Variants in CPE observed in about 807,000 individuals in gnomAD.
CPE encodes carbocypeptidase E.
A neutral mutation model predicts 53.5 loss-of-function variants in CPE; 17 were observed. The ratio of observed to expected loss-of-function variants is 0.32; its 90% CI spans 0.22 to 0.48. The LOEUF (loss-of-function observed/expected upper bound fraction) is 0.48. Among genes scored for constraint, CPE ranks in the 20% least tolerant of loss-of-function variants. CPE has a pLI of 0.99. For synonymous variants in CPE, 226 were observed against 228.8 expected (o/e 0.99, Z 0.11); for missense variants, 524 against 614.7 (o/e 0.85, Z 1.56).
intron 1 of CPE, among the ~76,000 whole-genome samples, chr4:165,425,333 T>G (rs953244515): frequency 7.2e-6 from 1 of 138,806 alleles, no homozygotes; most frequent in Non-Finnish European, 1.6e-5. Flanking sequence ...TATTTTTATC[T>G]TGTTAAAAAA....
intron 3 of CPE, among the ~76,000 whole-genome samples, chr4:165,473,524 C>A (rs889870451): frequency 2.0e-5 from 3 of 152,194 alleles, no homozygotes; most frequent in African/African-American, 7.2e-5. Context: ...TGGGGCTTGT[C>A]TGAATAAATG....
chr4:165,400,137 T>C (rs1365859302), intron 1 of CPE, among the ~76,000 whole-genome samples: 1 of 152,200 alleles, frequency 6.6e-6, no homozygotes, highest in Non-Finnish European at 1.5e-5. Flanking sequence ...GAAAAAGATA[T>C]TGTATGCTTT....
intron 1 of CPE, among the ~76,000 whole-genome samples, chr4:165,458,327 G>GT (rs914083439): frequency 6.6e-6 from 1 of 152,138 alleles, no homozygotes; most frequent in African/African-American, 2.4e-5. Context: ...TTACACTATT[G>GT]TTTTTCAGCA....
intron 1 of CPE, among the ~76,000 whole-genome samples, chr4:165,424,694 C>T (rs979729040): frequency 5.3e-5 from 8 of 151,726 alleles, no homozygotes; most frequent in Non-Finnish European, 1.0e-4. Context: ...CCACCACGCC[C>T]GGCTAATTTT....
intron 1 of CPE, among the ~76,000 whole-genome samples, chr4:165,400,018 AGTAGGTC>A (rs1272530792): frequency 1.3e-5 from 2 of 152,206 alleles, no homozygotes; most frequent in Non-Finnish European, 2.9e-5. Flanking sequence ...AATCTTTACA[AGTAGGTC>A]TTTGGCCATA....
intron 5 of CPE, among the ~76,000 whole-genome samples, chr4:165,486,776 C>G (rs1732512171): frequency 6.6e-6 from 1 of 152,138 alleles, no homozygotes; most frequent in Non-Finnish European, 1.5e-5. Context: ...TCCTCTGTCC[C>G]CTTTGGTTTA....
intron 1 of CPE, among the ~76,000 whole-genome samples, chr4:165,398,318 C>T (rs28503877): frequency 1.3e-5 from 2 of 151,894 alleles, no homozygotes; most frequent in Non-Finnish European, 2.9e-5. Context: ...TAGCCTACAA[C>T]TGCTAATATA....
At chr4:165,434,376 G>C (rs926166826) in intron 1 of CPE, among the ~76,000 whole-genome samples, 5 of 152,140 alleles carry the variant, frequency 3.3e-5, no homozygotes, top group African/African-American at 1.2e-4. Flanking sequence ...AAGTTGGCAA[G>C]CCAAGGTGAA....
In CPE at chr4:165,482,351, C is replaced by T. The variant is rs140559965; in HGVS notation, c.782C>T (p.Thr261Met). The change falls in exon 4 of 9, where the codon ACG becomes ATG. Residue 261 changes from threonine to methionine, a missense_variant. By Grantham distance (81) the Thr-to-Met change is moderately conservative (BLOSUM62 -1). Coordinates refer to ENST00000402744, the MANE Select transcript of CPE (RefSeq NM_001873.4). ...GTGGCCAATTATCCATATGATGAGA[C>T]GCGGAGTGGTAGGTATTCTTTCTGC... Reference protein sequence around the residue: ...DLVANYPYDETRSGSAHEYSS... With the variant: ...DLVANYPYDEMRSGSAHEYSS... The T allele has an allele frequency of 3.5e-5, 56 of 1,605,618 alleles. No homozygotes were observed. The highest frequency in any genetic ancestry group is 6.7e-5 in the African/African-American group (5 of 74,724).
rs142041549 is a variant in CPE at position 165,403,240 on chromosome 4, A to G, written c.307+23712A>G. 4.9e-3 allele frequency among the ~76,000 whole-genome samples: 739 copies of G among 152,366 alleles called. 5 individuals carry two copies. Among genetic ancestry groups the G allele is most frequent in the African/African-American group, 0.017 (692 of 41,580 alleles). On this transcript the variant is annotated intron_variant, in intron 1 of 8. Coordinates refer to ENST00000402744, the MANE Select transcript of CPE (RefSeq NM_001873.4). ...GCGACTGTTTTATGATGTGTGTATC[A>G]TAAAGGAAACCATCACCACCTGTCA...
chr4:165,443,791 T>C (rs1731656397), intron 1 of CPE, among the ~76,000 whole-genome samples: 1 of 152,198 alleles, frequency 6.6e-6, no homozygotes, highest in Non-Finnish European at 1.5e-5. Flanking sequence ...CCAAAAGTAA[T>C]TTGTTGAAAA....
chr4:165,388,685 A>G (rs1730635963), intron 1 of CPE, among the ~76,000 whole-genome samples: 1 of 152,234 alleles, frequency 6.6e-6, no homozygotes, highest in Non-Finnish European at 1.5e-5. Context: ...CTTATTCTTA[A>G]TGTAGCAAAC....
At chr4:165,436,918 A>G (rs1417146203) in intron 1 of CPE, among the ~76,000 whole-genome samples, 1 of 152,238 alleles carries the variant, frequency 6.6e-6, no homozygotes, top group Non-Finnish European at 1.5e-5. Context: ...ACTGAACAAA[A>G]GGCAGATTAC....
chr4:165,390,801 A>G (rs1032667631), intron 1 of CPE, among the ~76,000 whole-genome samples: 1 of 152,282 alleles, frequency 6.6e-6, no homozygotes, highest in Admixed American at 6.5e-5. Context: ...GAGAAACTTC[A>G]TTAGAAGAGT....
Position 165,379,072 on chromosome 4 carries a change from G to C in CPE, c.-150G>C, listed in dbSNP as rs1396836614. ...TCTGGGTGGCCCCAGTGCGCGGGCT[G>C]ACACTCATTCAGCCGGGGAAGGTGA... On this transcript the variant is annotated 5_prime_UTR_variant, in exon 1 of 9. Coordinates refer to ENST00000402744, the MANE Select transcript of CPE (RefSeq NM_001873.4). This position sits in a 1 kb window ranked among gnomAD's most constrained non-coding sequence, Gnocchi z 6.0. The C allele has an allele frequency of 7.2e-6, 5 of 690,436 alleles. No individual in the cohort carries two copies. In the East Asian group the frequency reaches 2.0e-4, roughly 28 times the overall value. 42.8% of individuals were successfully genotyped at this position (690,436 alleles called of 1,614,324 possible).
At chr4:165,427,230 C>T (rs1560878743) in intron 1 of CPE, among the ~76,000 whole-genome samples, 1 of 152,200 alleles carries the variant, frequency 6.6e-6, no homozygotes, top group Non-Finnish European at 1.5e-5. Flanking sequence ...CTTGATTTCT[C>T]AGGCTGTTCT....
chr4:165,379,435 G>A lies in CPE; in HGVS notation c.214G>A (p.Ala72Thr), dbSNP rs1235670045. The A allele has an allele frequency of 1.9e-6, 3 of 1,609,862 alleles. No homozygotes were observed. The highest frequency in any genetic ancestry group is 2.2e-5 in the East Asian group (1 of 44,790). ...ALVSVWLQCT[A>T]ISRIYTVGRS... The stretch of plus-strand genomic sequence containing the variant: ...CGTGTCCGTGTGGCTGCAGTGCACC[G>A]CCATCAGCAGGATTTACACGGTGGG... The change falls in exon 1 of 9, where the codon GCC becomes ACC. Residue 72 changes from alanine (A) to threonine (T), a missense_variant. Coordinates refer to ENST00000402744, the MANE Select transcript of CPE (RefSeq NM_001873.4). The surrounding 1 kb of genome is among the most constrained non-coding windows in gnomAD (Gnocchi z 6.0).
At chr4:165,439,012 G>A (rs1377441010) in intron 1 of CPE, among the ~76,000 whole-genome samples, 2 of 152,126 alleles carry the variant, frequency 1.3e-5, no homozygotes, top group African/African-American at 2.4e-5. Context: ...AAGAGTAAGT[G>A]TTTCCAAAGG....
Position 165,498,336 on chromosome 4 carries a change from G to A in CPE, c.*726G>A, listed in dbSNP as rs1314779703. 6.6e-6 allele frequency: 1 copy of A among 152,122 alleles called. No homozygotes were observed. Among genetic ancestry groups the A allele is most frequent in the African/African-American group, 2.4e-5 (1 of 41,426 alleles). The allele number at this position is 152,122 out of a possible 1,614,324, so 9.4% of individuals were successfully genotyped here. A position where few individuals can be genotyped will look rare whatever the true frequency, so the allele number is the denominator to read the frequency against. On this transcript the variant is annotated 3_prime_UTR_variant, in exon 9 of 9. Transcript: ENST00000402744. ...AAAAATCCCCAGTGCATGTATTTCA[G>A]TTCTCTAAGATTTTTGGTCTGGCAT...
Sources: allele counts gnomAD v4.1 joint callset (sites outside exome capture counted in the v4.1 genomes callset), GRCh38; gene constraint gnomAD v4.1.1; non-coding constraint Gnocchi (gnomAD v3.1); transcripts MANE v1.5; gene names NCBI Gene and HGNC (gene_info 2026-07-23, HGNC 2026-07-21).